The following DMXL1 variants were observed in gnomAD, a reference collection of about 807,000 sequenced individuals.
DMXL1 encodes Dmx like 1.
In DMXL1, 99 loss-of-function variants were observed where a neutral mutation model predicts 319.2. The observed-to-expected ratio is 0.31, with a 90% CI of 0.26 to 0.37. DMXL1 has a LOEUF of 0.37. Ranked by LOEUF, DMXL1 falls within the 10% of genes least tolerant of loss-of-function variation. DMXL1 has a pLI of 1.00. For missense variants in DMXL1, 3,745 were observed against 3,595.6 expected, an observed-to-expected ratio of 1.04 and a Z score of -1.06; for synonymous variants, 1,385 against 1,235.2, an observed-to-expected ratio of 1.12 and a Z score of -2.54.
chr5:119,243,332 T>A (rs1789166493), intron 42 of DMXL1, among the ~76,000 whole-genome samples: 1 of 152,192 alleles, frequency 6.6e-6, no homozygotes. Context: ...CAGGCAACCC[T>A]ATTAGGTAGG....
intron 22 of DMXL1, 87 bp downstream of exon 22, chr5:119,166,868 A>G (rs1581119959): frequency 4.6e-6 from 5 of 1,096,348 alleles, no homozygotes; most frequent in East Asian, 5.3e-5. Flanking sequence ...TTTAAATTCA[A>G]CTTTATTGGA....
intron 19 of DMXL1, among the ~76,000 whole-genome samples, chr5:119,164,007 T>G (rs7713483): frequency 0.48 from 73,437 of 151,950 alleles, 18,670 homozygotes; most frequent in East Asian, 0.96. Flanking sequence ...CACCGCACCC[T>G]GCTAGAGCTG....
intron 1 of DMXL1, among the ~76,000 whole-genome samples, chr5:119,072,417 T>G (rs560457930): frequency 6.6e-6 from 1 of 152,330 alleles, no homozygotes; most frequent in Non-Finnish European, 1.5e-5. Context: ...GATACTTTTA[T>G]CTACATAAAT....
At position 119,150,124 on chromosome 5, in the gene DMXL1, A is replaced by C; in HGVS notation, c.4297A>C (p.Ser1433Arg). The C allele has an allele frequency of 6.2e-7, 1 of 1,613,832 alleles. No homozygotes were observed. Among genetic ancestry groups the C allele is most frequent in the Non-Finnish European group, 8.5e-7 (1 of 1,179,886 alleles). ...GAAATCTAGTAATGAGAGTACGTTA[A>C]GTAAATCAAACCAATTATCTAAAGA... ...LEKSSNESTL[S>R]KSNQLSKESY... is the part of the protein sequence containing the mutation. The change falls in exon 18 of 44, where the codon AGT (serine) becomes CGT (arginine). Residue 1433 changes from serine (S) to arginine (R), a missense_variant. This residue lies in a region of DMXL1 where 2,096 missense variants were observed against 1,985.4 expected (regional missense o/e 1.06). Transcript: ENST00000539542.
chr5:119,162,082 G>A (rs1772398149), intron 19 of DMXL1, among the ~76,000 whole-genome samples: 1 of 152,148 alleles, frequency 6.6e-6, no homozygotes, highest in Non-Finnish European at 1.5e-5. Context: ...GTCTGACCGT[G>A]GCTTTCTTTT....
intron 1 of DMXL1, among the ~76,000 whole-genome samples, chr5:119,094,187 A>G (rs1755419048): frequency 6.6e-6 from 1 of 152,236 alleles, no homozygotes; most frequent in Non-Finnish European, 1.5e-5. Flanking sequence ...TCATAACTAG[A>G]GAGGAGAGGT....
intron 7 of DMXL1, among the ~76,000 whole-genome samples, chr5:119,117,889 T>C (rs185090097): frequency 6.6e-6 from 1 of 152,254 alleles, no homozygotes; most frequent in Non-Finnish European, 1.5e-5. Context: ...TCATTTACTT[T>C]AACTCACTGA....
rs1428405372 is a variant in DMXL1, at chr5:119,118,924, C to T, written c.853C>T (p.His285Tyr). ...DCLLYGGDCS[H>Y]WTESINLTNN... Reference sequence around the variant, plus strand: ...TTTGCTATACGGAGGTGACTGCAGCCATTGGACTGAATCAATTAATTTAAC... The same window carrying T: ...TTTGCTATACGGAGGTGACTGCAGCTATTGGACTGAATCAATTAATTTAAC... Residue 285 changes from histidine to tyrosine, a missense_variant, in exon 8 of 44, where the codon CAT becomes TAT. His to Tyr is a moderately conservative substitution (Grantham distance 83). Coordinates refer to ENST00000539542, the MANE Select transcript of DMXL1 (RefSeq NM_001290321.3). 2 of 1,613,732 alleles carry T rather than the reference C, an allele frequency of 1.2e-6. No homozygotes were observed. The highest frequency in any genetic ancestry group is 4.5e-5 in the East Asian group (2 of 44,832).
chr5:119,158,142 C>T (rs940240830), intron 19 of DMXL1, among the ~76,000 whole-genome samples: 1 of 151,190 alleles, frequency 6.6e-6, no homozygotes. Context: ...TCCTCCCACC[C>T]TGGCCTCCCA....
rs935451029 is a variant in DMXL1 at position 119,123,820 on chromosome 5, T to C, written c.1102+2681T>C. On this transcript the variant is annotated intron_variant, in intron 9 of 43. Coordinates refer to ENST00000539542, the MANE Select transcript of DMXL1 (RefSeq NM_001290321.3). ...CTTTCTTTACCTTTCTTTTAAACCA[T>C]AGATTTGTTTTGGAGAAAATTGTTT... 7.0e-4 allele frequency among the ~76,000 whole-genome samples: 101 copies of C among 145,194 alleles called. 1 individual carries two copies. The highest frequency in any genetic ancestry group is 2.5e-3 in the African/African-American group (97 of 38,950).
Position 119,238,230 on chromosome 5 carries a change from T to G in DMXL1, c.8560-759T>G, listed in dbSNP as rs193280531. Reference sequence around the variant, plus strand: ...GAGATTAAGAGGATTTTGTCTGTTTTAAGGACACATCATCTAGCCCAGCTC... The same window carrying G: ...GAGATTAAGAGGATTTTGTCTGTTTGAAGGACACATCATCTAGCCCAGCTC... On this transcript the variant is annotated intron_variant, in intron 40 of 43. Coordinates refer to ENST00000539542, the MANE Select transcript of DMXL1 (RefSeq NM_001290321.3). Among the ~76,000 whole-genome samples the G allele has an allele frequency of 6.6e-5, 10 of 152,186 alleles. No individual in the cohort carries two copies. In the East Asian group the frequency reaches 1.7e-3, roughly 26 times the overall value.
chr5:119,228,462 A>G (rs1786011445), intron 38 of DMXL1, among the ~76,000 whole-genome samples: 2 of 152,252 alleles, frequency 1.3e-5, no homozygotes, highest in African/African-American at 2.4e-5. Context: ...ATGGCTGATA[A>G]CATTATACAA....
chr5:119,097,488 C>T (rs1309982911), intron 1 of DMXL1, among the ~76,000 whole-genome samples: 2 of 152,176 alleles, frequency 1.3e-5, no homozygotes, highest in East Asian at 3.9e-4. Context: ...GAGGCCGAGA[C>T]GGGTGGATCA....
At chr5:119,204,118 G>T (rs572036997) in intron 33 of DMXL1, among the ~76,000 whole-genome samples, 1 of 151,776 alleles carries the variant, frequency 6.6e-6, no homozygotes, top group South Asian at 2.1e-4. Context: ...CACCACGCCC[G>T]GCCTGAAAAA....
At chr5:119,221,114 T>G in intron 37 of DMXL1, 33 bp downstream of exon 37, 1 of 1,507,660 alleles carries the variant, frequency 6.6e-7, no homozygotes, top group Middle Eastern at 1.7e-4. Context: ...TTAAGTTATA[T>G]GTAACTTTTA....
intron 9 of DMXL1, among the ~76,000 whole-genome samples, chr5:119,121,703 C>T (rs1239376199): frequency 1.3e-5 from 2 of 152,246 alleles, no homozygotes; most frequent in East Asian, 3.9e-4. Flanking sequence ...ACACGGCAAC[C>T]ATCCGATTTC....
intron 28 of DMXL1, among the ~76,000 whole-genome samples, chr5:119,179,790 C>G (rs1056908841): frequency 6.6e-6 from 1 of 152,268 alleles, no homozygotes; most frequent in African/African-American, 2.4e-5. Context: ...AGCTAGGACT[C>G]TCATACTTTC....
Position 119,178,009 on chromosome 5 carries a change from A to G in DMXL1, c.6900A>G (p.Leu2300=). Residue 2300 remains leucine (L), a synonymous_variant, in exon 28 of 44, where the codon CTA becomes CTG. Transcript: ENST00000539542. ...TTGTCGTTCTAGGAATAACTTGTCT[A>G]ATTCGACTTTTGAATTCTTCTGGCG... The part of the protein sequence containing the change: ...SPAQWPGITC[L]IRLLNSSGEE... The G allele has an allele frequency of 6.2e-7, 1 of 1,605,998 alleles. No homozygotes were observed. The highest frequency in any genetic ancestry group is 1.1e-5 in the South Asian group (1 of 89,164).
intron 19 of DMXL1, among the ~76,000 whole-genome samples, chr5:119,161,618 G>A (rs1353591397): frequency 3.3e-5 from 5 of 152,154 alleles, no homozygotes; most frequent in Non-Finnish European, 7.4e-5. Flanking sequence ...CCCTGCCTGG[G>A]TAGGACCTGG....
Sources: gnomAD v4.1 joint callset for allele counts (sites outside exome capture counted in the v4.1 genomes callset) on GRCh38, gnomAD v4.1.1 for gene constraint, gnomAD v4.1.1 regional missense constraint, MANE v1.5 for transcripts, NCBI Gene and HGNC (gene_info 2026-07-23, HGNC 2026-07-21) for gene names.